AGBL4: variants seen among roughly 807,000 people sequenced by gnomAD.
The protein encoded by AGBL4 is cytosolic carboxypeptidase 6.
AGBL4 carries 58 observed loss-of-function variants against 66.4 expected under a neutral mutation model. The ratio of observed to expected loss-of-function variants is 0.87; its 90% CI spans 0.71 to 1.09. AGBL4 has a LOEUF of 1.09. Among genes scored for constraint, AGBL4 ranks in the 50% least tolerant of loss-of-function variants. The pLI, the probability that AGBL4 is intolerant of heterozygous loss-of-function variation, is 0.00. For synonymous variants in AGBL4, 234 were observed against 222.9 expected, an observed-to-expected ratio of 1.05 and a Z score of -0.44; for missense variants, 579 against 631.0, an observed-to-expected ratio of 0.92 and a Z score of 0.88.
At chr1:49,764,240 G>T (rs1255710722) in intron 2 of AGBL4, among the ~76,000 whole-genome samples, 1 of 152,068 alleles carries the variant, frequency 6.6e-6, no homozygotes, top group Admixed American at 6.5e-5. Context: ...AGCATCGCCT[G>T]GGTGGGAGGG....
intron 2 of AGBL4, among the ~76,000 whole-genome samples, chr1:49,740,114 A>C (rs1404105201): frequency 6.6e-6 from 1 of 152,224 alleles, no homozygotes; most frequent in Non-Finnish European, 1.5e-5. Context: ...CAAATTGGAT[A>C]AAGAGGCAAG....
At chr1:48,580,218 C>T (rs1644718758) in intron 11 of AGBL4, among the ~76,000 whole-genome samples, 1 of 152,174 alleles carries the variant, frequency 6.6e-6, no homozygotes, top group African/African-American at 2.4e-5. Context: ...ACTGAGCAGA[C>T]ACATCTGCTC....
chr1:48,550,691 G>A (rs1224609858), intron 11 of AGBL4, among the ~76,000 whole-genome samples: 1 of 152,120 alleles, frequency 6.6e-6, no homozygotes. Flanking sequence ...GCTGGCAGAT[G>A]AAACATCCTG....
At chr1:49,273,005 T>G (rs144841698) in intron 3 of AGBL4, among the ~76,000 whole-genome samples, 1 of 152,214 alleles carries the variant, frequency 6.6e-6, no homozygotes, top group Non-Finnish European at 1.5e-5. Flanking sequence ...AAGTTATAAA[T>G]GTATTACTTC....
intron 5 of AGBL4, among the ~76,000 whole-genome samples, chr1:48,891,869 C>T (rs982834925): frequency 6.6e-6 from 1 of 152,082 alleles, no homozygotes; most frequent in Non-Finnish European, 1.5e-5. Context: ...TTCATTAAAC[C>T]ATGCTGTCTC....
intron 4 of AGBL4, among the ~76,000 whole-genome samples, chr1:49,071,814 T>C (rs1437372010): frequency 6.6e-6 from 1 of 150,744 alleles, no homozygotes; most frequent in Non-Finnish European, 1.5e-5. Context: ...ATTTTTTGTC[T>C]TGTTGATGTG....
intron 3 of AGBL4, among the ~76,000 whole-genome samples, chr1:49,500,547 G>C (rs1648052753): frequency 6.6e-6 from 1 of 151,834 alleles, no homozygotes. Flanking sequence ...CCTTGAGTTG[G>C]TTTTTGTATA....
At chr1:49,549,025 A>G (rs1467917767) in intron 3 of AGBL4, among the ~76,000 whole-genome samples, 2 of 151,960 alleles carry the variant, frequency 1.3e-5, no homozygotes, top group East Asian at 3.9e-4. Flanking sequence ...CCAGGAATTT[A>G]TCCATCTCTT....
intron 6 of AGBL4, among the ~76,000 whole-genome samples, chr1:48,804,078 G>A (rs987710248): frequency 1.1e-4 from 17 of 152,158 alleles, no homozygotes; most frequent in African/African-American, 4.1e-4. Flanking sequence ...GCCCAGAGTA[G>A]AAGCTCACAA....
chr1:49,402,407 A>T (rs1645104864), intron 3 of AGBL4, among the ~76,000 whole-genome samples: 1 of 152,074 alleles, frequency 6.6e-6, no homozygotes, highest in African/African-American at 2.4e-5. Context: ...AAATTTTTCT[A>T]TTTTATTCTT....
intron 6 of AGBL4, among the ~76,000 whole-genome samples, chr1:48,708,180 A>T (rs1646909853): frequency 6.6e-6 from 1 of 152,204 alleles, no homozygotes; most frequent in African/African-American, 2.4e-5. Flanking sequence ...CTTTGGTGGG[A>T]AAACTGCCTG....
chr1:49,718,812 C>T (rs556541522), intron 2 of AGBL4, among the ~76,000 whole-genome samples: 1 of 151,896 alleles, frequency 6.6e-6, no homozygotes, highest in African/African-American at 2.4e-5. Context: ...AAACATTTCC[C>T]TCTACAAAAA....
At chr1:49,897,526 C>T (rs1008940500) in intron 1 of AGBL4, among the ~76,000 whole-genome samples, 2 of 151,998 alleles carry the variant, frequency 1.3e-5, no homozygotes, top group African/African-American at 4.8e-5. Context: ...AATGTCCATA[C>T]TACCCAAAGC....
At chr1:48,976,023 C>G (rs949449273) in intron 5 of AGBL4, among the ~76,000 whole-genome samples, 2 of 152,068 alleles carry the variant, frequency 1.3e-5, no homozygotes, top group African/African-American at 4.8e-5. Context: ...TACATGTCTT[C>G]TTATTAATAG....
At chr1:49,847,070 G>A (rs566378513) in intron 2 of AGBL4, among the ~76,000 whole-genome samples, 1 of 152,246 alleles carries the variant, frequency 6.6e-6, no homozygotes, top group Non-Finnish European at 1.5e-5. Context: ...CATGGTACTG[G>A]TTTAAAAATA....
intron 6 of AGBL4, among the ~76,000 whole-genome samples, chr1:48,718,730 T>C (rs571077098): frequency 1.2e-4 from 18 of 152,208 alleles, no homozygotes; most frequent in Admixed American, 2.0e-4. Context: ...ACACCACTTG[T>C]GGAGGTTGTG....
intron 3 of AGBL4, among the ~76,000 whole-genome samples, chr1:49,316,435 A>G (rs894450592): frequency 1.3e-5 from 2 of 151,890 alleles, no homozygotes; most frequent in African/African-American, 4.8e-5. Context: ...TGAAAAGTCT[A>G]TTAGAAAAAA....
intron 3 of AGBL4, among the ~76,000 whole-genome samples, chr1:49,450,042 C>T (rs1347464379): frequency 6.6e-6 from 1 of 152,082 alleles, no homozygotes; most frequent in African/African-American, 2.4e-5. Context: ...TGCCAACACA[C>T]ACGAAATATT....
intron 6 of AGBL4, among the ~76,000 whole-genome samples, chr1:48,774,375 G>A (rs904037934): frequency 1.5e-4 from 23 of 152,242 alleles, no homozygotes; most frequent in Non-Finnish European, 2.6e-4. Flanking sequence ...ATGAATTCCC[G>A]AACTCACCCT....
Sources: allele counts gnomAD v4.1 joint callset (sites outside exome capture counted in the v4.1 genomes callset), GRCh38; gene constraint gnomAD v4.1.1; transcripts MANE v1.5; gene names NCBI Gene and HGNC (gene_info 2026-07-23, HGNC 2026-07-21).